NKAIN3: variants seen among roughly 807,000 people sequenced by gnomAD.
NKAIN3 encodes sodium/potassium-transporting ATPase subunit beta-1-interacting protein 3.
In NKAIN3, 25 loss-of-function variants were observed where a neutral mutation model predicts 30.2. That is an observed-to-expected ratio of 0.83 (90% CI 0.60 to 1.16). The LOEUF is 1.16. Among genes scored for constraint, NKAIN3 ranks in the 50% most tolerant of loss-of-function variants. The pLI, the probability that NKAIN3 is intolerant of heterozygous loss-of-function variation, is 0.00. For synonymous variants in NKAIN3, 91 were observed against 89.6 expected, an observed-to-expected ratio of 1.02 and a Z score of -0.09; for missense variants, 225 against 254.1, an observed-to-expected ratio of 0.89 and a Z score of 0.78.
At chr8:62,826,626 AT>A (rs1819033485) in intron 4 of NKAIN3, among the ~76,000 whole-genome samples, 1 of 152,190 alleles carries the variant, frequency 6.6e-6, no homozygotes, top group Non-Finnish European at 1.5e-5. Context: ...ACACTCCATA[AT>A]TACCAAATAA....
intron 4 of NKAIN3, among the ~76,000 whole-genome samples, chr8:62,763,208 C>G (rs571290639): frequency 9.6e-6 from 1 of 103,858 alleles, no homozygotes; most frequent in Non-Finnish European, 1.8e-5. Context: ...GCAACAAGTG[C>G]GAGACTCCGT....
intron 3 of NKAIN3, among the ~76,000 whole-genome samples, chr8:62,699,095 C>A (rs1472239728): frequency 6.6e-6 from 1 of 152,012 alleles, no homozygotes; most frequent in African/African-American, 2.4e-5. Context: ...TTCTTGTGAC[C>A]TTTCTCGGGA....
At chr8:62,649,430 A>G (rs981407003) in intron 3 of NKAIN3, among the ~76,000 whole-genome samples, 2 of 152,172 alleles carry the variant, frequency 1.3e-5, no homozygotes, top group African/African-American at 4.8e-5. Flanking sequence ...TTGTGCTGGA[A>G]CAATTGGTAA....
intron 1 of NKAIN3, among the ~76,000 whole-genome samples, chr8:62,306,903 C>T (rs1483983349): frequency 6.7e-6 from 1 of 149,650 alleles, no homozygotes; most frequent in Non-Finnish European, 1.5e-5. Flanking sequence ...GCAGATGTGT[C>T]CATAGGGGAA....
At chr8:62,867,294 TTTC>T (rs1820457094) in intron 4 of NKAIN3, among the ~76,000 whole-genome samples, 1 of 152,170 alleles carries the variant, frequency 6.6e-6, no homozygotes, top group Non-Finnish European at 1.5e-5. Context: ...CATGTCTCAA[TTTC>T]TTCTTTACGA....
At chr8:62,819,313 GATAGATGAC>G (rs1312237897) in intron 4 of NKAIN3, among the ~76,000 whole-genome samples, 1 of 151,758 alleles carries the variant, frequency 6.6e-6, no homozygotes, top group African/African-American at 2.4e-5. Context: ...CATTGTGGAA[GATAGATGAC>G]ATATGATGAA....
intron 4 of NKAIN3, chr8:62,863,202 T>G (rs1008088406): frequency 1.1e-5 from 17 of 1,553,332 alleles, no homozygotes; most frequent in Non-Finnish European, 1.5e-5. Flanking sequence ...GCAGGCGTTT[T>G]TCCAATAACT....
intron 5 of NKAIN3, among the ~76,000 whole-genome samples, chr8:62,950,035 T>C (rs1303697416): frequency 6.6e-6 from 1 of 152,240 alleles, no homozygotes; most frequent in African/African-American, 2.4e-5. Flanking sequence ...TTCTCTTCTC[T>C]TATCTTTCTC....
chr8:62,623,357 A>C (rs1429422125), intron 3 of NKAIN3, among the ~76,000 whole-genome samples: 1 of 152,140 alleles, frequency 6.6e-6, no homozygotes, highest in African/African-American at 2.4e-5. Context: ...TCTTCCTAGG[A>C]AAATGTAAAA....
intron 1 of NKAIN3, among the ~76,000 whole-genome samples, chr8:62,423,341 C>G (rs541121012): frequency 1.3e-5 from 2 of 151,532 alleles, no homozygotes; most frequent in South Asian, 2.1e-4. Context: ...ATTTCCAAAC[C>G]GTGCTGTTTC....
chr8:62,492,959 G>A (rs368200137), intron 1 of NKAIN3, among the ~76,000 whole-genome samples: 7 of 152,148 alleles, frequency 4.6e-5, no homozygotes, highest in Non-Finnish European at 7.4e-5. Flanking sequence ...TGTCAGATGC[G>A]TAGTTTGTAA....
intron 1 of NKAIN3, among the ~76,000 whole-genome samples, chr8:62,376,937 TTTTGA>T (rs1457194171): frequency 6.6e-6 from 1 of 152,172 alleles, no homozygotes; most frequent in Non-Finnish European, 1.5e-5. Context: ...TTTATATATA[TTTTGA>T]TTTTTCTATA....
At chr8:62,481,488 T>C (rs1806718317) in intron 1 of NKAIN3, among the ~76,000 whole-genome samples, 1 of 152,192 alleles carries the variant, frequency 6.6e-6, no homozygotes, top group African/African-American at 2.4e-5. Flanking sequence ...ATTTGTGTTA[T>C]CCTGACTAGA....
At chr8:62,952,071 A>G (rs1342025788) in intron 5 of NKAIN3, among the ~76,000 whole-genome samples, 7 of 152,172 alleles carry the variant, frequency 4.6e-5, no homozygotes, top group African/African-American at 1.7e-4. Context: ...AATTGCTAGC[A>G]ATATAGGCAT....
At chr8:62,856,406 T>G in intron 4 of NKAIN3, 1 of 801,814 alleles carries the variant, frequency 1.2e-6, no homozygotes, top group Admixed American at 1.7e-5. Context: ...AAGTGAACCC[T>G]GAGGTCCTCA....
At chr8:62,697,632 T>TTG (rs1814205868) in intron 3 of NKAIN3, among the ~76,000 whole-genome samples, 2 of 152,224 alleles carry the variant, frequency 1.3e-5, no homozygotes, top group Non-Finnish European at 2.9e-5. Context: ...TTCTAGAACA[T>TTG]ATGCTCTTGA....
chr8:62,489,276 C>G (rs1437980931), intron 1 of NKAIN3, among the ~76,000 whole-genome samples: 1 of 151,910 alleles, frequency 6.6e-6, no homozygotes, highest in Non-Finnish European at 1.5e-5. Flanking sequence ...CTGCCCGCCT[C>G]GGCCTCCCAA....
intron 4 of NKAIN3, among the ~76,000 whole-genome samples, chr8:62,814,657 G>C (rs993904461): frequency 1.3e-5 from 2 of 152,148 alleles, no homozygotes; most frequent in African/African-American, 4.8e-5. Flanking sequence ...AATGAAGGCA[G>C]AAATAAAGAC....
intron 1 of NKAIN3, among the ~76,000 whole-genome samples, chr8:62,471,159 A>T (rs1040415258): frequency 6.6e-6 from 1 of 152,190 alleles, no homozygotes; most frequent in Non-Finnish European, 1.5e-5. Flanking sequence ...AACATTGTTT[A>T]TGGATGAATT....
Sources: gnomAD v4.1 joint callset for allele counts (sites outside exome capture counted in the v4.1 genomes callset) on GRCh38, gnomAD v4.1.1 for gene constraint, MANE v1.5 for transcripts, NCBI Gene and HGNC (gene_info 2026-07-23, HGNC 2026-07-21) for gene names.